Variants in SNX18 observed in about 807,000 individuals in gnomAD.
SNX18 encodes the protein sorting nexin-18.
In SNX18, 35 loss-of-function variants were observed where a neutral mutation model predicts 48.7. That is an observed-to-expected ratio of 0.72 (90% CI 0.55 to 0.95). The LOEUF (loss-of-function observed/expected upper bound fraction) is 0.95. SNX18 is among the 40% of genes least tolerant of loss of function. The probability of loss-of-function intolerance (pLI) is 0.00; values close to 1 mark genes in which losing one functional copy is unlikely to be tolerated. For synonymous variants in SNX18, 492 were observed against 384.7 expected, an observed-to-expected ratio of 1.28 and a Z score of -3.26; for missense variants, 824 against 871.0, an observed-to-expected ratio of 0.95 and a Z score of 0.68.
chr5:54,522,587 G>C (rs1289291026), intron 1 of SNX18, among the ~76,000 whole-genome samples: 1 of 152,202 alleles, frequency 6.6e-6, no homozygotes, highest in Non-Finnish European at 1.5e-5. Flanking sequence ...GGGGAAGCAA[G>C]TCCTGCTAGA....
chr5:54,595,468 C>A, the SNX18 span, among the ~76,000 whole-genome samples: 5 of 152,186 alleles, frequency 3.3e-5, no homozygotes, highest in African/African-American at 1.2e-4. Context: ...AACTCCTGAC[C>A]TCATGATCCA....
chr5:54,609,451 T>C, the SNX18 span, among the ~76,000 whole-genome samples: 2 of 152,152 alleles, frequency 1.3e-5, no homozygotes, highest in East Asian at 3.8e-4. Flanking sequence ...ATCTCTATGA[T>C]GGTATTCATT....
chr5:54,602,228 C>A, the SNX18 span, among the ~76,000 whole-genome samples: 2 of 152,110 alleles, frequency 1.3e-5, no homozygotes, highest in Non-Finnish European at 2.9e-5. Context: ...GGCTGAAGAC[C>A]TGAGGCTGCC....
the SNX18 span, among the ~76,000 whole-genome samples, chr5:54,640,906 A>C: frequency 6.6e-6 from 1 of 152,174 alleles, no homozygotes; most frequent in Non-Finnish European, 1.5e-5. Flanking sequence ...CTAAAAATAC[A>C]AAAATTAGCT....
intron 1 of SNX18, among the ~76,000 whole-genome samples, chr5:54,536,470 A>G (rs1762357922): frequency 6.6e-6 from 1 of 151,038 alleles, no homozygotes; most frequent in Non-Finnish European, 1.5e-5. Context: ...ATGAGTGAGA[A>G]CACGCAGTGT....
the SNX18 span, among the ~76,000 whole-genome samples, chr5:54,572,774 ATTTTTTTTTTTTTTTTT>A: frequency 7.8e-5 from 3 of 38,408 alleles, no homozygotes; most frequent in African/African-American, 2.0e-4. Context: ...ATATATATAT[ATTTTTTTTTTTTTTTTT>A]TTTTTTTTTT....
At chr5:54,536,117 G>T (rs1580105153) in intron 1 of SNX18, among the ~76,000 whole-genome samples, 1 of 152,320 alleles carries the variant, frequency 6.6e-6, no homozygotes, top group Middle Eastern at 3.4e-3. Flanking sequence ...GTGTGTTGGA[G>T]GCTCAGCCTA....
intron 1 of SNX18, among the ~76,000 whole-genome samples, chr5:54,528,407 G>A (rs760244223): frequency 3.4e-4 from 52 of 152,166 alleles, no homozygotes; most frequent in Non-Finnish European, 8.8e-5. Context: ...TTAGTACTGC[G>A]AATAAGACAG....
the SNX18 span, among the ~76,000 whole-genome samples, chr5:54,628,550 A>G: frequency 6.6e-6 from 1 of 151,976 alleles, no homozygotes; most frequent in African/African-American, 2.4e-5. Flanking sequence ...ACCTCAGTCC[A>G]TTGGTCACCA....
At chr5:54,604,318 C>A in the SNX18 span, among the ~76,000 whole-genome samples, 1 of 152,116 alleles carries the variant, frequency 6.6e-6, no homozygotes. Flanking sequence ...TGGGCACTGG[C>A]GTTCATATGA....
chr5:54,564,294 C>A, the SNX18 span, among the ~76,000 whole-genome samples: 23 of 151,894 alleles, frequency 1.5e-4, no homozygotes, highest in African/African-American at 3.4e-4. Context: ...AAATAAATAA[C>A]AAAATAAAAT....
chr5:54,539,480 T>C (rs1184383032), intron 1 of SNX18, among the ~76,000 whole-genome samples: 1 of 152,230 alleles, frequency 6.6e-6, no homozygotes, highest in African/African-American at 2.4e-5. Flanking sequence ...CCATCCATAG[T>C]GCAGTGCTGG....
intron 1 of SNX18, 27 bp downstream of exon 1, chr5:54,519,600 A>C: frequency 6.2e-7 from 1 of 1,614,152 alleles, no homozygotes; most frequent in Non-Finnish European, 8.5e-7. Context: ...AGAGCAGGTG[A>C]TATGGAGTGT....
intron 1 of SNX18, chr5:54,520,221 C>T (rs1162879232): frequency 4.8e-6 from 1 of 208,584 alleles, no homozygotes; most frequent in East Asian, 1.2e-4. Context: ...TTTAGGGAAA[C>T]TACATAGAAT....
chr5:54,641,923 T>C, the SNX18 span, among the ~76,000 whole-genome samples: 3 of 152,078 alleles, frequency 2.0e-5, no homozygotes. Flanking sequence ...TCAAAACGAT[T>C]GGTGGCTACT....
rs1264231691 is a variant in SNX18, at chr5:54,543,470, G to C, written c.*38G>C. 2 of 1,598,784 alleles carry C rather than the reference G, an allele frequency of 1.3e-6. No homozygotes were observed. Among genetic ancestry groups the C allele is most frequent in the East Asian group, 4.5e-5 (2 of 44,702 alleles). On this transcript the variant is annotated 3_prime_UTR_variant, in exon 2 of 2. Coordinates refer to ENST00000381410, the MANE Select transcript of SNX18 (RefSeq NM_001102575.2). ...GGATTATGGACTTTTTCAGTTCAAG[G>C]ATAATTTCTACAGCAGAATAAAAAC...
At chr5:54,611,345 C>CAG in the SNX18 span, among the ~76,000 whole-genome samples, 1 of 152,122 alleles carries the variant, frequency 6.6e-6, no homozygotes, top group Non-Finnish European at 1.5e-5. Context: ...TTTCCCCACC[C>CAG]AGAGAGAGAA....
chr5:54,606,865 A>G, the SNX18 span, among the ~76,000 whole-genome samples: 3 of 152,148 alleles, frequency 2.0e-5, no homozygotes, highest in African/African-American at 7.2e-5. Context: ...ATAAAATGTT[A>G]TCACCTGTAT....
At chr5:54,584,056 T>A in the SNX18 span, among the ~76,000 whole-genome samples, 1 of 149,410 alleles carries the variant, frequency 6.7e-6, no homozygotes, top group Admixed American at 6.7e-5. Flanking sequence ...CTTTTTTTTT[T>A]TTTTTTTTTT....
Sources: gnomAD v4.1 joint callset for allele counts (sites outside exome capture counted in the v4.1 genomes callset) on GRCh38, gnomAD v4.1.1 for gene constraint, MANE v1.5 for transcripts, NCBI Gene and HGNC (gene_info 2026-07-23, HGNC 2026-07-21) for gene names.